Variants in DLGAP2 observed in about 807,000 individuals in gnomAD.
DLGAP2 encodes the protein disks large-associated protein 2.
Under a neutral mutation model 100.3 loss-of-function variants are expected in DLGAP2, and 26 were observed. The ratio of observed to expected loss-of-function variants is 0.26; its 90% CI spans 0.19 to 0.36. The LOEUF is 0.36. Among genes scored for constraint, DLGAP2 ranks in the 10% least tolerant of loss-of-function variants. The pLI, the probability that DLGAP2 is intolerant of heterozygous loss-of-function variation, is 1.00. For missense variants in DLGAP2, 1,858 were observed against 1,453.2 expected (o/e 1.28, Z -4.53); for synonymous variants, 886 against 630.1 (o/e 1.41, Z -6.08).
In DLGAP2 at chr8:1,485,150, T is replaced by C. The variant is rs568491418; in HGVS notation, c.107-16216T>C. Among the ~76,000 whole-genome samples, 147 of 152,374 alleles carry C rather than the reference T, an allele frequency of 9.6e-4. 2 individuals are homozygous for C. In the South Asian group the frequency reaches 0.03, roughly 31 times the overall value. ...AGCTTGGAAATTGGGACGATGTTAA[T>C]GCAGCTGCCCTGTCATTTTCCATAA... On this transcript the variant is annotated intron_variant, in intron 3 of 14. Coordinates refer to ENST00000637795, the MANE Select transcript of DLGAP2 (RefSeq NM_001346810.2).
At chr8:987,947 A>G (rs946756804) in intron 2 of DLGAP2, among the ~76,000 whole-genome samples, 2 of 152,150 alleles carry the variant, frequency 1.3e-5, no homozygotes, top group Non-Finnish European at 2.9e-5. Context: ...TAAGGAGATC[A>G]GTGCTTCTCT....
intron 1 of DLGAP2, among the ~76,000 whole-genome samples, chr8:741,741 T>C (rs975556421): frequency 1.3e-5 from 2 of 152,216 alleles, no homozygotes; most frequent in African/African-American, 4.8e-5. Flanking sequence ...TGCCACCTCA[T>C]GGGGTTGGCT....
intron 4 of DLGAP2, among the ~76,000 whole-genome samples, chr8:1,523,819 C>T (rs1360127261): frequency 6.6e-6 from 1 of 152,220 alleles, no homozygotes; most frequent in Admixed American, 6.5e-5. Context: ...TCCTGCACGT[C>T]ACAGCATTTA....
intron 5 of DLGAP2, among the ~76,000 whole-genome samples, chr8:1,558,738 A>C (rs572155540): frequency 1.3e-5 from 2 of 151,964 alleles, no homozygotes; most frequent in African/African-American, 4.8e-5. Flanking sequence ...ACACATACAC[A>C]CATAGGCATG....
At chr8:1,185,063 G>A (rs114156043) in intron 2 of DLGAP2, among the ~76,000 whole-genome samples, 1 of 152,216 alleles carries the variant, frequency 6.6e-6, no homozygotes, top group African/African-American at 2.4e-5. Flanking sequence ...CCCAGGAAAG[G>A]TCGGGCGAGG....
intron 8 of DLGAP2, 103 bp from the exon 9 acceptor site, chr8:1,668,226 A>C: frequency 9.0e-7 from 1 of 1,105,918 alleles, no homozygotes; most frequent in Non-Finnish European, 1.3e-6. Flanking sequence ...GTCCAGGAAC[A>C]GACTTGCTCC....
At chr8:1,261,602 TG>T (rs1799352174) in intron 3 of DLGAP2, among the ~76,000 whole-genome samples, 1 of 152,138 alleles carries the variant, frequency 6.6e-6, no homozygotes, top group Non-Finnish European at 1.5e-5. Flanking sequence ...CTCCCTGCTC[TG>T]GCCTGCCCCT....
chr8:1,208,542 A>G (rs905704275), intron 2 of DLGAP2, among the ~76,000 whole-genome samples: 1 of 152,164 alleles, frequency 6.6e-6, no homozygotes, highest in South Asian at 2.1e-4. Context: ...GGAAAAGTTG[A>G]AAGCATTTTT....
intron 2 of DLGAP2, among the ~76,000 whole-genome samples, chr8:1,053,973 G>A (rs1368448819): frequency 2.0e-5 from 3 of 152,078 alleles, no homozygotes; most frequent in Non-Finnish European, 2.9e-5. Flanking sequence ...GTCTTTTTGT[G>A]TAAAGAAATC....
chr8:1,387,169 A>T (rs1418957955), intron 3 of DLGAP2, among the ~76,000 whole-genome samples: 1 of 152,210 alleles, frequency 6.6e-6, no homozygotes, highest in Non-Finnish European at 1.5e-5. Context: ...TGAAGAAAAC[A>T]GCCGGAGGAG....
chr8:849,660 G>A (rs1402950528), intron 1 of DLGAP2, among the ~76,000 whole-genome samples: 1 of 152,148 alleles, frequency 6.6e-6, no homozygotes, highest in Non-Finnish European at 1.5e-5. Context: ...GTGGAGAGTT[G>A]TATCTCTTTC....
intron 3 of DLGAP2, among the ~76,000 whole-genome samples, chr8:1,348,638 CAG>C (rs1563097925): frequency 1.8e-4 from 28 of 152,072 alleles, no homozygotes; most frequent in Non-Finnish European, 3.5e-4. Context: ...AGTTCCCACA[CAG>C]AGCTGCATTG....
chr8:1,293,007 C>T (rs548351872), intron 3 of DLGAP2, among the ~76,000 whole-genome samples: 1 of 152,296 alleles, frequency 6.6e-6, no homozygotes, highest in South Asian at 2.1e-4. Flanking sequence ...CTTTTTTCCA[C>T]ATGCCTAAGA....
intron 2 of DLGAP2, among the ~76,000 whole-genome samples, chr8:940,291 C>T (rs543562487): frequency 1.4e-4 from 21 of 151,958 alleles, no homozygotes; most frequent in Admixed American, 9.2e-4. Flanking sequence ...GGCAGAGGCA[C>T]GAAAACCAAT....
At chr8:937,254 T>C (rs903426240) in intron 2 of DLGAP2, among the ~76,000 whole-genome samples, 26 of 152,324 alleles carry the variant, frequency 1.7e-4, no homozygotes, top group African/African-American at 5.5e-4. Context: ...ATTATCACCA[T>C]GATGGGCATG....
At chr8:1,325,105 T>G in intron 3 of DLGAP2, among the ~76,000 whole-genome samples, 1 of 152,214 alleles carries the variant, frequency 6.6e-6, no homozygotes. Flanking sequence ...AACACTCACC[T>G]TCTTGTCTTC....
chr8:1,587,358 G>A (rs897451476), intron 6 of DLGAP2, among the ~76,000 whole-genome samples: 10 of 152,202 alleles, frequency 6.6e-5, no homozygotes, highest in Non-Finnish European at 1.3e-4. Flanking sequence ...GATCTGGGGT[G>A]AGGCCAGAGA....
chr8:1,414,714 T>C (rs1443516346), intron 3 of DLGAP2, among the ~76,000 whole-genome samples: 1 of 152,152 alleles, frequency 6.6e-6, no homozygotes, highest in Non-Finnish European at 1.5e-5. Flanking sequence ...TCCTGTTAAA[T>C]AATCAGGTGT....
At chr8:1,417,667 C>G (rs1256062851) in intron 3 of DLGAP2, among the ~76,000 whole-genome samples, 3 of 141,670 alleles carry the variant, frequency 2.1e-5, no homozygotes, top group Non-Finnish European at 3.1e-5. Flanking sequence ...CTGCCTCACT[C>G]CGCGAGGCTC....
Sources: allele counts gnomAD v4.1 joint callset (sites outside exome capture counted in the v4.1 genomes callset), GRCh38; gene constraint gnomAD v4.1.1; transcripts MANE v1.5; gene names NCBI Gene and HGNC (gene_info 2026-07-23, HGNC 2026-07-21).